Variants in DNAJC3 observed in about 807,000 individuals in gnomAD.
DNAJC3 encodes DnaJ heat shock protein family (Hsp40) member C3.
Under a neutral mutation model 68.6 loss-of-function variants are expected in DNAJC3, and 38 were observed. The observed-to-expected ratio is 0.55, with a 90% CI of 0.43 to 0.73. DNAJC3 has a LOEUF of 0.73. Ranked by LOEUF, DNAJC3 falls within the 30% of genes least tolerant of loss-of-function variation. The pLI is 0.00. For synonymous variants in DNAJC3, 203 were observed against 204.0 expected (o/e 1.00, Z 0.04); for missense variants, 526 against 591.9 (o/e 0.89, Z 1.16).
chr13:95,698,667 C>T (rs1023916927), intron 1 of DNAJC3, among the ~76,000 whole-genome samples: 3 of 152,082 alleles, frequency 2.0e-5, no homozygotes, highest in African/African-American at 7.2e-5. Flanking sequence ...ATGCAGTTCT[C>T]CTGGGATTGG....
intron 9 of DNAJC3, among the ~76,000 whole-genome samples, chr13:95,769,016 T>TCTATATCTATAC (rs1883090376): frequency 1.3e-5 from 2 of 148,390 alleles, no homozygotes; most frequent in Non-Finnish European, 2.9e-5. Flanking sequence ...TATATCTATA[T>TCTATATCTATAC]CTATATCTAT....
intron 3 of DNAJC3, 92 bp from the exon 4 acceptor site, chr13:95,725,086 A>G: frequency 1.3e-6 from 1 of 783,098 alleles, no homozygotes; most frequent in East Asian, 3.2e-5. Flanking sequence ...ATATTTATTA[A>G]TAATTTGTTT....
At chr13:95,714,042 G>A (rs761360697) in intron 2 of DNAJC3, among the ~76,000 whole-genome samples, 1 of 152,214 alleles carries the variant, frequency 6.6e-6, no homozygotes, top group African/African-American at 2.4e-5. Context: ...TCTATCGTAT[G>A]TACTCTATGA....
At chr13:95,699,570 A>G (rs1474344494) in intron 1 of DNAJC3, among the ~76,000 whole-genome samples, 1 of 152,218 alleles carries the variant, frequency 6.6e-6, no homozygotes, top group Non-Finnish European at 1.5e-5. Context: ...CCTGGTTTAC[A>G]TGGGGAAAAG....
chr13:95,760,358 T>C, intron 6 of DNAJC3, 137 bp downstream of exon 6: 2 of 852,106 alleles, frequency 2.3e-6, no homozygotes, highest in Non-Finnish European at 3.3e-6. Context: ...TATCCATTTA[T>C]ATATTTTGTG....
intron 10 of DNAJC3, 81 bp downstream of exon 10, chr13:95,786,152 G>A (rs1883596494): frequency 2.9e-6 from 4 of 1,360,354 alleles, no homozygotes; most frequent in African/African-American, 1.5e-5. Flanking sequence ...TTTCCTCTCT[G>A]ATTCATTTTC....
Position 95,677,297 on chromosome 13 carries a change from A to G in DNAJC3, c.42A>G (p.Val14=). ...CCGTGACCAGCCGGCTGGGCTCGGTATTCCCCTTCCTGCTAGTCCTGGTGG... is the reference window on the plus strand; with the variant it reads ...CCGTGACCAGCCGGCTGGGCTCGGTGTTCCCCTTCCTGCTAGTCCTGGTGG... ...PGSVTSRLGS[V]FPFLLVLVDL... is the part of the protein sequence containing the mutation. The change falls in exon 1 of 12, where the codon GTA becomes GTG. Residue 14 remains valine, a synonymous_variant. Coordinates refer to ENST00000602402, the MANE Select transcript of DNAJC3 (RefSeq NM_006260.5). 1.2e-6 allele frequency: 2 copies of G among 1,600,654 alleles called. No homozygotes were observed. Among genetic ancestry groups the G allele is most frequent in the Non-Finnish European group, 1.7e-6 (2 of 1,174,856 alleles).
intron 4 of DNAJC3, among the ~76,000 whole-genome samples, chr13:95,730,046 C>T (rs141833970): frequency 6.0e-4 from 91 of 152,258 alleles, no homozygotes; most frequent in Non-Finnish European, 1.1e-3. Context: ...TGCTGGAGTA[C>T]AGTGGCATGA....
intron 4 of DNAJC3, among the ~76,000 whole-genome samples, chr13:95,747,690 G>T (rs569385189): frequency 5.3e-5 from 8 of 152,340 alleles, no homozygotes; most frequent in African/African-American, 1.7e-4. Context: ...AAGACAAGGG[G>T]AGAAGCAGAG....
intron 1 of DNAJC3, chr13:95,694,939 A>G (rs1464476527): frequency 1.3e-5 from 2 of 152,644 alleles, no homozygotes; most frequent in Non-Finnish European, 2.9e-5. Context: ...CTCAACAACT[A>G]TAGCAACAGC....
chr13:95,785,718 C>A (rs1883581795), intron 9 of DNAJC3, among the ~76,000 whole-genome samples: 1 of 151,630 alleles, frequency 6.6e-6, no homozygotes, highest in Non-Finnish European at 1.5e-5. Context: ...CCCACCTCGA[C>A]CTCCCAAAGT....
chr13:95,725,347 G>A, intron 4 of DNAJC3, 95 bp downstream of exon 4: 3 of 847,640 alleles, frequency 3.5e-6, no homozygotes, highest in Non-Finnish European at 5.2e-6. Flanking sequence ...TAATTTTATA[G>A]CTAAGAGTCA....
intron 4 of DNAJC3, among the ~76,000 whole-genome samples, chr13:95,756,242 G>C (rs1418622757): frequency 1.3e-5 from 2 of 152,086 alleles, no homozygotes; most frequent in Non-Finnish European, 2.9e-5. Context: ...TCTCCGATGG[G>C]GTTTATCCGA....
rs1032368069 is a variant in DNAJC3 at position 95,731,611 on chromosome 13, A to T, written c.393+6359A>T. 8.8e-4 allele frequency among the ~76,000 whole-genome samples: 134 copies of T among 152,276 alleles called. 11 individuals are homozygous for T. The highest frequency in any genetic ancestry group is 4.1e-4 in the South Asian group (2 of 4,822). ...TGATGTATCACATACTGATTTCTAA[A>T]TGTTGAACCATTCTTGCGTCTCTGG... On this transcript the variant is annotated intron_variant, in intron 4 of 11. Coordinates refer to ENST00000602402, the MANE Select transcript of DNAJC3 (RefSeq NM_006260.5).
intron 1 of DNAJC3, among the ~76,000 whole-genome samples, chr13:95,688,611 T>C (rs1433997987): frequency 1.3e-5 from 2 of 151,336 alleles, no homozygotes; most frequent in Non-Finnish European, 2.9e-5. Context: ...CGCCTCCCAC[T>C]TCAAGTGATT....
At chr13:95,702,635 G>A (rs1226552121) in intron 1 of DNAJC3, among the ~76,000 whole-genome samples, 2 of 152,196 alleles carry the variant, frequency 1.3e-5, no homozygotes, top group African/African-American at 2.4e-5. Flanking sequence ...ACAAGAAAGT[G>A]CAGTCTATTA....
At chr13:95,782,424 T>C (rs1177862783) in intron 9 of DNAJC3, among the ~76,000 whole-genome samples, 2 of 152,206 alleles carry the variant, frequency 1.3e-5, no homozygotes, top group Non-Finnish European at 2.9e-5. Context: ...CCACCAACAG[T>C]GTAAAAGCCT....
At chr13:95,764,105 C>T (rs1882902407) in intron 9 of DNAJC3, 152 bp downstream of exon 9, 1 of 1,201,594 alleles carries the variant, frequency 8.3e-7, no homozygotes, top group South Asian at 1.6e-5. Context: ...AATTACTCTT[C>T]CATAGTGGAA....
chr13:95,684,863 C>T (rs1454553836), intron 1 of DNAJC3, among the ~76,000 whole-genome samples: 4 of 152,254 alleles, frequency 2.6e-5, no homozygotes, highest in African/African-American at 9.6e-5. Flanking sequence ...GTTAAGCCTG[C>T]AGGTGCTGAA....
Sources: gnomAD v4.1 joint callset for allele counts (sites outside exome capture counted in the v4.1 genomes callset) on GRCh38, gnomAD v4.1.1 for gene constraint, MANE v1.5 for transcripts, NCBI Gene and HGNC (gene_info 2026-07-23, HGNC 2026-07-21) for gene names.